GRIK1: variants seen among roughly 807,000 people sequenced by gnomAD.
GRIK1 encodes glutamate receptor ionotropic, kainate 1.
In GRIK1, 69 loss-of-function variants were observed where a neutral mutation model predicts 105.7. That is an observed-to-expected ratio of 0.65 (90% confidence interval 0.54 to 0.80). The LOEUF (loss-of-function observed/expected upper bound fraction) is 0.80, where lower values mean the gene tolerates loss of function less well. GRIK1 is among the 30% of genes least tolerant of loss of function. The probability of loss-of-function intolerance (pLI) is 0.00; values close to 1 mark genes in which losing one functional copy is unlikely to be tolerated. For missense variants in GRIK1, 1,109 were observed against 1,167.3 expected (o/e 0.95, Z 0.73); for synonymous variants, 438 against 431.3 (o/e 1.02, Z -0.19).
Position 29,673,174 on chromosome 21 carries a change from G to C in GRIK1, c.545-10C>G. On this transcript the variant is annotated splice_polypyrimidine_tract_variant and intron_variant, in intron 3 of 17. Transcript: ENST00000327783. The stretch of plus-strand genomic sequence containing the variant: ...TGTAGACGAATTAGACCTAGAAAAT[G>C]ACATGCAATCATGCAATGGAGACTG... 1 of 1,584,770 alleles carries C rather than the reference G, an allele frequency of 6.3e-7. No homozygotes were observed.
intron 3 of GRIK1, among the ~76,000 whole-genome samples, chr21:29,683,811 T>G: frequency 6.6e-6 from 1 of 152,210 alleles, no homozygotes; most frequent in East Asian, 1.9e-4. Flanking sequence ...TATTTACATA[T>G]GCAAAGCCTC....
At chr21:29,765,897 G>A (rs1385819578) in intron 1 of GRIK1, among the ~76,000 whole-genome samples, 1 of 141,110 alleles carries the variant, frequency 7.1e-6, no homozygotes, top group Non-Finnish European at 1.6e-5. Flanking sequence ...TGTCACCCAG[G>A]CTGGAGTGCA....
intron 1 of GRIK1, among the ~76,000 whole-genome samples, chr21:29,924,272 C>T (rs1014719259): frequency 1.4e-5 from 2 of 147,944 alleles, no homozygotes; most frequent in African/African-American, 5.0e-5. Context: ...GGGAGGTGGA[C>T]GTTGCAGTGA....
At chr21:29,628,614 G>T (rs993197157) in intron 7 of GRIK1, among the ~76,000 whole-genome samples, 6 of 152,128 alleles carry the variant, frequency 3.9e-5, no homozygotes, top group African/African-American at 1.4e-4. Context: ...TCATGTGGTG[G>T]CTTGTTTTCT....
At chr21:29,543,938 T>G (rs2090011087) in intron 16 of GRIK1, among the ~76,000 whole-genome samples, 1 of 152,182 alleles carries the variant, frequency 6.6e-6, no homozygotes, top group Non-Finnish European at 1.5e-5. Flanking sequence ...CATGAACTCC[T>G]TTTTCCCGTG....
intron 1 of GRIK1, among the ~76,000 whole-genome samples, chr21:29,819,207 T>C (rs1208533591): frequency 1.3e-5 from 2 of 152,226 alleles, no homozygotes; most frequent in East Asian, 1.9e-4. Context: ...GATGATTATT[T>C]ATTAGTTTAA....
At chr21:29,693,486 T>C (rs903937427) in intron 2 of GRIK1, among the ~76,000 whole-genome samples, 5 of 152,160 alleles carry the variant, frequency 3.3e-5, no homozygotes, top group Non-Finnish European at 7.4e-5. Flanking sequence ...TTACAACCTG[T>C]TAAAATTCAG....
chr21:29,549,139 T>C, intron 16 of GRIK1, among the ~76,000 whole-genome samples: 1 of 152,198 alleles, frequency 6.6e-6, no homozygotes, highest in East Asian at 1.9e-4. Context: ...TTGTTCAATC[T>C]TTTAATGCCT....
chr21:29,621,907 A>T (rs2062013023), intron 7 of GRIK1, among the ~76,000 whole-genome samples: 2 of 152,182 alleles, frequency 1.3e-5, no homozygotes, highest in South Asian at 4.1e-4. Context: ...AATTATTTAT[A>T]AATAAAATCA....
At chr21:29,730,035 C>T (rs1029681640) in intron 1 of GRIK1, among the ~76,000 whole-genome samples, 3 of 152,134 alleles carry the variant, frequency 2.0e-5, no homozygotes, top group Admixed American at 6.6e-5. Flanking sequence ...TACATTTTCC[C>T]AATGGTTTTA....
At chr21:29,643,307 A>G (rs117921777) in intron 6 of GRIK1, among the ~76,000 whole-genome samples, 1 of 152,368 alleles carries the variant, frequency 6.6e-6, no homozygotes, top group East Asian at 1.9e-4. Context: ...ACCTTGAGCT[A>G]GAAGCTACTA....
At chr21:29,545,565 C>G (rs2090037539) in intron 16 of GRIK1, among the ~76,000 whole-genome samples, 1 of 152,214 alleles carries the variant, frequency 6.6e-6, no homozygotes, top group Admixed American at 6.5e-5. Context: ...CCTTTCTCTA[C>G]AGGGAATGGC....
At chr21:29,585,859 A>C (rs2091119410) in intron 12 of GRIK1, among the ~76,000 whole-genome samples, 1 of 152,166 alleles carries the variant, frequency 6.6e-6, no homozygotes, top group Admixed American at 6.5e-5. Context: ...ATCTTCTTTA[A>C]TTGTTTCGAG....
chr21:29,862,848 A>C (rs1264727264), intron 1 of GRIK1, among the ~76,000 whole-genome samples: 1 of 152,238 alleles, frequency 6.6e-6, no homozygotes, highest in Non-Finnish European at 1.5e-5. Context: ...CTGGAATTGA[A>C]GATTTATGTG....
At chr21:29,903,624 A>T (rs926336796) in intron 1 of GRIK1, among the ~76,000 whole-genome samples, 1 of 152,236 alleles carries the variant, frequency 6.6e-6, no homozygotes, top group African/African-American at 2.4e-5. Context: ...TTAAAAAGTC[A>T]GGAAACAACA....
rs138244302 is a variant in GRIK1 at position 29,883,914 on chromosome 21, C to T, written c.118+55469G>A. Among the ~76,000 whole-genome samples, 944 of 151,968 alleles carry T rather than the reference C, an allele frequency of 6.2e-3. 5 individuals carry two copies. Among genetic ancestry groups the T allele is most frequent in the Middle Eastern group, 0.02 (6 of 294 alleles). On this transcript the variant is annotated intron_variant, in intron 1 of 17. Coordinates refer to ENST00000327783, the MANE Select transcript of GRIK1 (RefSeq NM_001330994.2). ...AAGAGAAAACCAATCAAAGAAAACC[C>T]GACAGGCTTCAACAGGTTTCCTTCA...
At chr21:29,842,629 T>G (rs975341665) in intron 1 of GRIK1, among the ~76,000 whole-genome samples, 1 of 152,286 alleles carries the variant, frequency 6.6e-6, no homozygotes, top group African/African-American at 2.4e-5. Context: ...ATGGTGAAAA[T>G]TCATTACTCT....
chr21:29,543,748 C>G (rs1601069765), intron 16 of GRIK1, among the ~76,000 whole-genome samples: 1 of 152,142 alleles, frequency 6.6e-6, no homozygotes, highest in African/African-American at 2.4e-5. Flanking sequence ...TGAAGGAAGT[C>G]TAGCCACTGA....
chr21:29,577,013 T>C lies in GRIK1; in HGVS notation c.2081A>G (p.Lys694Arg). 1 of 1,613,792 alleles carries C rather than the reference T, an allele frequency of 6.2e-7. No homozygotes were observed. The change falls in exon 14 of 18, where the codon AAG (lysine) becomes AGG (arginine). Residue 694 changes from lysine to arginine, a missense_variant. Lys to Arg is a conservative substitution (Grantham distance 26, BLOSUM62 2). Coordinates refer to ENST00000327783, the MANE Select transcript of GRIK1 (RefSeq NM_001330994.2). The part of the protein sequence containing the change: ...DSADDLAKQT[K>R]IEYGAVRDGS... ...ATCTCTAACCGCCCCATATTCTATC[T>C]TGGTTTGCTTTGCCAGATCATCTGC... is the stretch of plus-strand genomic sequence containing the variant.
Sources: gnomAD v4.1 joint callset for allele counts (sites outside exome capture counted in the v4.1 genomes callset) on GRCh38, gnomAD v4.1.1 for gene constraint, MANE v1.5 for transcripts, NCBI Gene and HGNC (gene_info 2026-07-23, HGNC 2026-07-21) for gene names.